The following SPATS2L variants were observed in gnomAD, a reference collection of about 807,000 sequenced individuals.
SPATS2L encodes spermatogenesis associated serine rich 2 like.
A neutral mutation model predicts 59.6 loss-of-function variants in SPATS2L; 30 were observed. The ratio of observed to expected loss-of-function variants is 0.50; its 90% confidence interval spans 0.38 to 0.68. The LOEUF is 0.68. Ranked by LOEUF, SPATS2L falls within the 30% of genes least tolerant of loss-of-function variation. The probability of loss-of-function intolerance (pLI) is 0.00; values close to 1 mark genes in which losing one functional copy is unlikely to be tolerated. For synonymous variants in SPATS2L, 252 were observed against 263.5 expected (o/e 0.96, Z 0.42); for missense variants, 615 against 700.0 (o/e 0.88, Z 1.37).
intron 9 of SPATS2L, among the ~76,000 whole-genome samples, chr2:200,460,661 G>A (rs1446643923): frequency 6.6e-6 from 1 of 151,358 alleles, no homozygotes; most frequent in South Asian, 2.1e-4. Flanking sequence ...TGAGGCAGGA[G>A]AATGGTGTGA....
At chr2:200,320,396 T>A (rs1315100041) in intron 1 of SPATS2L, among the ~76,000 whole-genome samples, 1 of 152,250 alleles carries the variant, frequency 6.6e-6, no homozygotes, top group Non-Finnish European at 1.5e-5. Context: ...TCATTTCAAC[T>A]CATGAACTTG....
At chr2:200,362,023 C>T (rs923985593) in intron 2 of SPATS2L, among the ~76,000 whole-genome samples, 36 of 151,964 alleles carry the variant, frequency 2.4e-4, no homozygotes, top group African/African-American at 8.7e-4. Context: ...GGAAGATCTT[C>T]GAGCCCGGGA....
chr2:200,461,724 T>C (rs143305095), intron 9 of SPATS2L, among the ~76,000 whole-genome samples: 191 of 152,330 alleles, frequency 1.3e-3, no homozygotes, highest in African/African-American at 4.2e-3. Flanking sequence ...ATGTCTTTCT[T>C]TTGCCAGAAT....
intron 8 of SPATS2L, among the ~76,000 whole-genome samples, chr2:200,450,832 G>T (rs1559143631): frequency 6.6e-6 from 1 of 152,086 alleles, no homozygotes; most frequent in Non-Finnish European, 1.5e-5. Context: ...AATGGAGCTG[G>T]GGGGAGGAAA....
intron 1 of SPATS2L, among the ~76,000 whole-genome samples, chr2:200,312,767 A>G (rs183260544): frequency 2.0e-5 from 3 of 152,316 alleles, no homozygotes; most frequent in East Asian, 1.9e-4. Context: ...GGATGCAAAC[A>G]TTAGGTGGCC....
At position 200,479,980 on chromosome 2, in the gene SPATS2L, CCT is replaced by C. The variant is rs1488491348; in HGVS notation, c.*1950_*1951del. 1 of 375,302 alleles carries C rather than the reference CCT, an allele frequency of 2.7e-6. No individual in the cohort carries two copies. Among genetic ancestry groups the C allele is most frequent in the African/African-American group, 2.1e-5 (1 of 48,248 alleles). The allele number at this position is 375,302 out of a possible 1,614,324, so 23.2% of individuals were successfully genotyped here. A position where few individuals can be genotyped will look rare whatever the true frequency, so the allele number is the denominator to read the frequency against. On this transcript the variant is annotated 3_prime_UTR_variant, in exon 13 of 13. Coordinates refer to ENST00000409140, the MANE Select transcript of SPATS2L (RefSeq NM_001100423.2). Reference sequence around the variant, plus strand: ...AAGATAAATGTTCGGCACTGTAGGCCCTGTTTACCCCATCTGAGGCCCTGAAT... The same window carrying C: ...AAGATAAATGTTCGGCACTGTAGGCCGTTTACCCCATCTGAGGCCCTGAAT...
chr2:200,386,370 T>C (rs889677627), intron 2 of SPATS2L, among the ~76,000 whole-genome samples: 1 of 152,248 alleles, frequency 6.6e-6, no homozygotes, highest in South Asian at 2.1e-4. Context: ...AAATTGTAAT[T>C]AATTTTACTA....
chr2:200,440,121 G>A (rs2084591448), intron 7 of SPATS2L, among the ~76,000 whole-genome samples: 1 of 152,156 alleles, frequency 6.6e-6, no homozygotes, highest in African/African-American at 2.4e-5. Flanking sequence ...AGGCGAGATG[G>A]GCACCCATAG....
At chr2:200,439,447 A>ATT in intron 7 of SPATS2L, 119 bp downstream of exon 7, 3 of 799,322 alleles carry the variant, frequency 3.8e-6, no homozygotes, top group Non-Finnish European at 6.0e-6. Context: ...ATGAAATTGC[A>ATT]TTTTTTTTTC....
intron 2 of SPATS2L, among the ~76,000 whole-genome samples, chr2:200,356,020 T>C (rs964106357): frequency 6.6e-6 from 1 of 152,224 alleles, no homozygotes; most frequent in Non-Finnish European, 1.5e-5. Context: ...GTTGACTAAA[T>C]AATTAACGGA....
rs971237066 is a variant in SPATS2L at position 200,481,389 on chromosome 2, T to C, written c.*3358T>C. ...CTCTCTGAAAGCCTTGATTTGAACC[T>C]CAAACTTGATTTCACCATGAGAAGT... On this transcript the variant is annotated 3_prime_UTR_variant, in exon 13 of 13. Transcript: ENST00000409140. The C allele has an allele frequency of 6.6e-6, 1 of 152,228 alleles. No individual in the cohort carries two copies. Among genetic ancestry groups the C allele is most frequent in the African/African-American group, 2.4e-5 (1 of 41,458 alleles). The allele number at this position is 152,228 out of a possible 1,614,324, so 9.4% of individuals were successfully genotyped here. A position where few individuals can be genotyped will look rare whatever the true frequency, so the allele number is the denominator to read the frequency against.
intron 6 of SPATS2L, among the ~76,000 whole-genome samples, chr2:200,432,372 A>C (rs191249733): frequency 7.2e-5 from 11 of 152,306 alleles, no homozygotes; most frequent in Middle Eastern, 3.4e-3. Flanking sequence ...GAATTAAATG[A>C]AGGTATTTTA....
chr2:200,375,136 A>G (rs1219845455), intron 2 of SPATS2L, among the ~76,000 whole-genome samples: 1 of 152,188 alleles, frequency 6.6e-6, no homozygotes, highest in Non-Finnish European at 1.5e-5. Context: ...AAGGCAGGCC[A>G]TGAGGTGGTT....
chr2:200,393,255 T>C, intron 3 of SPATS2L: 1 of 456,816 alleles, frequency 2.2e-6, no homozygotes, highest in Non-Finnish European at 4.4e-6. Flanking sequence ...AAAACATGGC[T>C]GGTGGACAGA....
At chr2:200,403,105 C>A (rs1374588574) in intron 3 of SPATS2L, among the ~76,000 whole-genome samples, 1 of 152,202 alleles carries the variant, frequency 6.6e-6, no homozygotes, top group Non-Finnish European at 1.5e-5. Flanking sequence ...AAGTAACCTG[C>A]ATTTGACCTA....
At chr2:200,367,286 C>G (rs2081294148) in intron 2 of SPATS2L, among the ~76,000 whole-genome samples, 1 of 152,038 alleles carries the variant, frequency 6.6e-6, no homozygotes, top group African/African-American at 2.4e-5. Flanking sequence ...ACTTTCATGC[C>G]TTCTTGCTTA....
At chr2:200,348,749 G>A (rs542581809) in intron 2 of SPATS2L, among the ~76,000 whole-genome samples, 56 of 152,284 alleles carry the variant, frequency 3.7e-4, no homozygotes, top group Non-Finnish European at 6.9e-4. Context: ...AAAAGGCCTG[G>A]AAAGCTCCTA....
chr2:200,377,610 C>A (rs781745911), intron 2 of SPATS2L, among the ~76,000 whole-genome samples: 1 of 152,140 alleles, frequency 6.6e-6, no homozygotes, highest in Non-Finnish European at 1.5e-5. Context: ...AAACCCTCTC[C>A]ACTCTGCCCC....
rs142919636 is a variant in SPATS2L at position 200,411,550 on chromosome 2, A to G, written c.40-761A>G. On this transcript the variant is annotated intron_variant, in intron 3 of 12. Coordinates refer to ENST00000409140, the MANE Select transcript of SPATS2L (RefSeq NM_001100423.2). ...GGTGAACCAGGTTTTACTAAAATCA[A>G]TAGAACATTCTGTAGTTATTGCAAG... Among the ~76,000 whole-genome samples the G allele has an allele frequency of 3.0e-4, 45 of 152,352 alleles. 1 individual carries two copies. In the East Asian group the frequency reaches 7.9e-3, roughly 27 times the overall value.
Sources: gnomAD v4.1 joint callset for allele counts (sites outside exome capture counted in the v4.1 genomes callset) on GRCh38, gnomAD v4.1.1 for gene constraint, MANE v1.5 for transcripts, NCBI Gene and HGNC (gene_info 2026-07-23, HGNC 2026-07-21) for gene names.